The following SPMAP2L variants were observed in gnomAD, a reference collection of about 807,000 sequenced individuals.
SPMAP2L encodes the protein sperm microtubule associated protein 2 like.
chr4:56,573,337 T>A, the SPMAP2L span, among the ~76,000 whole-genome samples: 2 of 152,296 alleles, frequency 1.3e-5, no homozygotes, highest in Middle Eastern at 6.8e-3. Context: ...GTTGGCAGCA[T>A]AAGGCATAAG....
chr4:56,603,924 C>G, the SPMAP2L span, among the ~76,000 whole-genome samples: 3 of 152,172 alleles, frequency 2.0e-5, no homozygotes, highest in Non-Finnish European at 1.5e-5. Flanking sequence ...ATGCCAGAGT[C>G]ACTTACCATG....
chr4:56,589,288 G>A, the SPMAP2L span, among the ~76,000 whole-genome samples: 18 of 151,994 alleles, frequency 1.2e-4, no homozygotes, highest in Middle Eastern at 3.2e-3. Context: ...TGCACCCAGC[G>A]TATGTGCCTA....
At chr4:56,572,531 T>C in the SPMAP2L span, among the ~76,000 whole-genome samples, 1 of 152,202 alleles carries the variant, frequency 6.6e-6, no homozygotes, top group African/African-American at 2.4e-5. Context: ...GCTCAATACG[T>C]ATTTTTTGAG....
chr4:56,616,649 G>A, the SPMAP2L span, among the ~76,000 whole-genome samples: 1 of 152,152 alleles, frequency 6.6e-6, no homozygotes, highest in African/African-American at 2.4e-5. Context: ...GTGACAGATG[G>A]CAGTCAGAGA....
the SPMAP2L span, among the ~76,000 whole-genome samples, chr4:56,621,711 T>C: frequency 1.3e-5 from 2 of 152,340 alleles, no homozygotes; most frequent in East Asian, 3.9e-4. Flanking sequence ...CAATGTGAAC[T>C]GATGTAAAAG....
chr4:56,578,243 A>G, the SPMAP2L span, among the ~76,000 whole-genome samples: 3 of 152,178 alleles, frequency 2.0e-5, no homozygotes, highest in East Asian at 5.8e-4. Context: ...GGATAGAGCT[A>G]TATAGGAGCA....
chr4:56,593,161 G>A, the SPMAP2L span: 1 of 1,559,288 alleles, frequency 6.4e-7, no homozygotes, highest in Non-Finnish European at 8.8e-7. Flanking sequence ...AGCCTGAGGT[G>A]TCTCAGGGGA....
the SPMAP2L span, among the ~76,000 whole-genome samples, chr4:56,587,866 T>C: frequency 6.6e-6 from 1 of 152,264 alleles, no homozygotes; most frequent in Admixed American, 6.5e-5. Flanking sequence ...ATGGTAGTTC[T>C]ACTTTTAGTT....
chr4:56,587,096 T>C, the SPMAP2L span, among the ~76,000 whole-genome samples: 1 of 152,166 alleles, frequency 6.6e-6, no homozygotes, highest in South Asian at 2.1e-4. Flanking sequence ...ATTTTATTTA[T>C]AATTCCAGGA....
the SPMAP2L span, among the ~76,000 whole-genome samples, chr4:56,624,900 T>G: frequency 1.3e-5 from 2 of 152,162 alleles, no homozygotes; most frequent in African/African-American, 2.4e-5. Flanking sequence ...GGGCACTGCC[T>G]AGTGGAGCTG....
chr4:56,543,933 A>G, the SPMAP2L span, among the ~76,000 whole-genome samples: 122 of 75,528 alleles, frequency 1.6e-3, no homozygotes, highest in African/African-American at 6.0e-3. Context: ...TGTATGTGAG[A>G]GAGAGAGAGA....
the SPMAP2L span, among the ~76,000 whole-genome samples, chr4:56,531,440 T>A: frequency 1.3e-5 from 2 of 152,330 alleles, no homozygotes; most frequent in Non-Finnish European, 2.9e-5. Flanking sequence ...TGAGCTATTG[T>A]TACCTCCTTT....
At chr4:56,599,179 ATGTAATAATTATTATTAT>A in the SPMAP2L span, among the ~76,000 whole-genome samples, 3 of 151,806 alleles carry the variant, frequency 2.0e-5, no homozygotes, top group African/African-American at 7.3e-5. Flanking sequence ...ACACAATAAT[ATGTAATAATTATTATTAT>A]TTTGAAACAG....
At chr4:56,530,796 C>G in the SPMAP2L span, 1 of 1,535,324 alleles carries the variant, frequency 6.5e-7, no homozygotes, top group Non-Finnish European at 8.7e-7. Flanking sequence ...TCAGGATTCT[C>G]GACACTCACA....
the SPMAP2L span, among the ~76,000 whole-genome samples, chr4:56,560,490 G>A: frequency 6.6e-6 from 1 of 152,146 alleles, no homozygotes; most frequent in African/African-American, 2.4e-5. Flanking sequence ...TCTTGTGGTG[G>A]TGACCTCCAA....
At chr4:56,592,892 C>T in the SPMAP2L span, 2 of 1,608,178 alleles carry the variant, frequency 1.2e-6, no homozygotes, top group Non-Finnish European at 1.7e-6. Context: ...GAGAGAGATG[C>T]TGCAGATCTT....
At chr4:56,570,643 G>T in the SPMAP2L span, among the ~76,000 whole-genome samples, 110,484 of 151,934 alleles carry the variant, frequency 0.73, 40,933 homozygotes, top group African/African-American at 0.88. Context: ...GGTCAGTGAG[G>T]GAGTGGTGAG....
chr4:56,610,390 C>T, the SPMAP2L span, among the ~76,000 whole-genome samples: 5 of 152,248 alleles, frequency 3.3e-5, no homozygotes, highest in East Asian at 7.7e-4. Context: ...AATTGGCAAG[C>T]CACATGTAGA....
the SPMAP2L span, among the ~76,000 whole-genome samples, chr4:56,543,893 AGAGTGTGTGTGTGTGTGT>A: frequency 7.6e-6 from 1 of 132,378 alleles, no homozygotes; most frequent in Non-Finnish European, 1.6e-5. Flanking sequence ...AGAGAGAGAG[AGAGTGTGTGTGTGTGTGT>A]GTGTGTGTGT....
Sources: gnomAD v4.1 joint callset for allele counts (sites outside exome capture counted in the v4.1 genomes callset) on GRCh38, gnomAD v4.1.1 for gene constraint, MANE v1.5 for transcripts, NCBI Gene and HGNC (gene_info 2026-07-23, HGNC 2026-07-21) for gene names.